The following DENND1B variants were observed in gnomAD, a reference collection of about 807,000 sequenced individuals.
DENND1B encodes the protein DENN domain containing 1B.
In DENND1B, 59 loss-of-function variants were observed where a neutral mutation model predicts 90.1. The ratio of observed to expected loss-of-function variants is 0.65; its 90% CI spans 0.53 to 0.81. The LOEUF is 0.81. Ranked by LOEUF, DENND1B falls within the 40% of genes least tolerant of loss-of-function variation. The pLI is 0.00. For synonymous variants in DENND1B, 337 were observed against 324.6 expected (o/e 1.04, Z -0.41); for missense variants, 862 against 912.6 (o/e 0.94, Z 0.71).
At chr1:197,561,968 CT>C (rs1276972559) in intron 15 of DENND1B, among the ~76,000 whole-genome samples, 1 of 150,056 alleles carries the variant, frequency 6.7e-6, no homozygotes, top group African/African-American at 2.5e-5. Flanking sequence ...AATCTTCTTT[CT>C]CTCTGTTTCC....
intron 6 of DENND1B, among the ~76,000 whole-genome samples, chr1:197,654,527 T>C (rs1360433585): frequency 6.6e-6 from 1 of 152,044 alleles, no homozygotes; most frequent in Non-Finnish European, 1.5e-5. Context: ...GAAGAATCTC[T>C]TGAACCTGGG....
chr1:197,534,389 G>A (rs1171838021), intron 20 of DENND1B, among the ~76,000 whole-genome samples: 1 of 152,182 alleles, frequency 6.6e-6, no homozygotes, highest in Admixed American at 6.5e-5. Context: ...CTAAATTTCT[G>A]TCTTCCAAAA....
chr1:197,780,599 C>T (rs1268405485), upstream of DENND1B, among the ~76,000 whole-genome samples: 1 of 152,132 alleles, frequency 6.6e-6, no homozygotes. Context: ...GCTGGGATTA[C>T]AGAGAGAGGT....
chr1:197,707,879 C>T (rs1484487072), intron 3 of DENND1B, among the ~76,000 whole-genome samples: 1 of 148,872 alleles, frequency 6.7e-6, no homozygotes, highest in African/African-American at 2.4e-5. Context: ...GCGCACCGTG[C>T]GCGAGCCGAA....
chr1:197,531,396 TTTTTTTTTC>T lies in DENND1B; in HGVS notation c.1515+8559_1515+8567del, dbSNP rs1669602627. Among the ~76,000 whole-genome samples, 4 of 956 alleles carry T rather than the reference TTTTTTTTTC, an allele frequency of 4.2e-3. 2 individuals are homozygous for T. In the Non-Finnish European group the frequency reaches 1, roughly 239 times the overall value. The allele number at this position is 956 out of a possible 152,430, so 0.6% of individuals were successfully genotyped here. A position where few individuals can be genotyped will look rare whatever the true frequency, so the allele number is the denominator to read the frequency against. Reference sequence around the variant, plus strand: ...CACCACATAACAAATCTTTTTTTTTTTTTTTTTTCTTTTTTTTTTTTTTTCATTTATTTT... The same window carrying T: ...CACCACATAACAAATCTTTTTTTTTTTTTTTTTTTTTTTTTCATTTATTTT... On this transcript the variant is annotated intron_variant, in intron 20 of 22. Coordinates refer to ENST00000620048, the MANE Select transcript of DENND1B (RefSeq NM_001195215.2).
intron 14 of DENND1B, among the ~76,000 whole-genome samples, chr1:197,587,495 G>A (rs866414960): frequency 4.6e-5 from 7 of 152,110 alleles, no homozygotes; most frequent in South Asian, 4.2e-4. Context: ...AGTAGAATCG[G>A]AATAAAGTTT....
At chr1:197,521,342 G>T (rs1668761617) in intron 20 of DENND1B, among the ~76,000 whole-genome samples, 1 of 151,958 alleles carries the variant, frequency 6.6e-6, no homozygotes, top group East Asian at 1.9e-4. Flanking sequence ...TCACCAGGTG[G>T]CAGACAAATA....
chr1:197,714,956 C>A (rs1316450096), intron 3 of DENND1B, 75 bp downstream of exon 3: 2 of 1,079,966 alleles, frequency 1.9e-6, no homozygotes, highest in Non-Finnish European at 2.8e-6. Flanking sequence ...GTTATACTAG[C>A]AACAGCAGCA....
chr1:197,612,998 C>T (rs2125851496), intron 11 of DENND1B, among the ~76,000 whole-genome samples: 1 of 150,856 alleles, frequency 6.6e-6, no homozygotes, highest in South Asian at 2.1e-4. Flanking sequence ...GAATAAATAG[C>T]TATTTTAAAA....
chr1:197,661,073 G>A (rs148666641), intron 5 of DENND1B, among the ~76,000 whole-genome samples: 1 of 151,800 alleles, frequency 6.6e-6, no homozygotes, highest in East Asian at 1.9e-4. Context: ...ATCTGGACAG[G>A]TATGTGACAC....
intron 13 of DENND1B, chr1:197,605,747 T>A (rs1676618030): frequency 6.6e-6 from 1 of 151,194 alleles, no homozygotes; most frequent in Non-Finnish European, 1.5e-5. Context: ...TAGGATTAGA[T>A]TTGTACATTC....
intron 21 of DENND1B, 143 bp from the exon 22 acceptor site, chr1:197,512,087 G>T: frequency 1.7e-6 from 1 of 604,628 alleles, no homozygotes; most frequent in Admixed American, 3.5e-5. Flanking sequence ...TTACCGTGAT[G>T]TGTATACTAA....
In DENND1B at chr1:197,761,206, TAAAAA is replaced by T. The variant is rs548036748; in HGVS notation, c.82+11657_82+11661del. Among the ~76,000 whole-genome samples, 566 of 152,282 alleles carry T rather than the reference TAAAAA, an allele frequency of 3.7e-3. 7 individuals are homozygous for T. Among genetic ancestry groups the T allele is most frequent in the African/African-American group, 0.013 (537 of 41,578 alleles). ...AAAAAATTTTAAAGACATTATTTTC[TAAAAA>T]CCAAAAAAATTAACTTCATTAACTG... On this transcript the variant is annotated intron_variant, in intron 2 of 22. Transcript: ENST00000620048.
intron 3 of DENND1B, among the ~76,000 whole-genome samples, chr1:197,701,385 T>C (rs935980324): frequency 1.8e-4 from 28 of 152,138 alleles, no homozygotes; most frequent in African/African-American, 6.5e-4. Flanking sequence ...ACAATGAGAA[T>C]ACATGGATAC....
chr1:197,765,661 G>A (rs1655613418), intron 2 of DENND1B, among the ~76,000 whole-genome samples: 1 of 152,206 alleles, frequency 6.6e-6, no homozygotes, highest in South Asian at 2.1e-4. Flanking sequence ...ACACAGCAGT[G>A]ACAAAACAAC....
chr1:197,691,796 C>T (rs1430487524), intron 3 of DENND1B, among the ~76,000 whole-genome samples: 1 of 151,786 alleles, frequency 6.6e-6, no homozygotes, highest in African/African-American at 2.4e-5. Flanking sequence ...AAAGAAAATC[C>T]TGTCATTTGC....
intron 15 of DENND1B, among the ~76,000 whole-genome samples, chr1:197,561,804 C>T (rs1049511200): frequency 6.6e-6 from 1 of 151,900 alleles, no homozygotes; most frequent in Admixed American, 6.6e-5. Flanking sequence ...ATCCATGACT[C>T]TGCTTTCTCT....
chr1:197,726,704 T>G (rs1661669206), intron 2 of DENND1B, among the ~76,000 whole-genome samples: 1 of 152,038 alleles, frequency 6.6e-6, no homozygotes. Flanking sequence ...ACAGAAATAC[T>G]AAAAGAGAAT....
intron 20 of DENND1B, among the ~76,000 whole-genome samples, chr1:197,529,177 T>C (rs1923757): frequency 0.96 from 136,032 of 142,206 alleles, 65,395 homozygotes; most frequent in South Asian, 1. Flanking sequence ...TATTGCTATT[T>C]TTCCCGACAT....
Sources: allele counts gnomAD v4.1 joint callset (sites outside exome capture counted in the v4.1 genomes callset), GRCh38; gene constraint gnomAD v4.1.1; transcripts MANE v1.5; gene names NCBI Gene and HGNC (gene_info 2026-07-23, HGNC 2026-07-21).